PLCL1: variants seen among roughly 807,000 people sequenced by gnomAD.
The protein encoded by PLCL1 is phospholipase C like 1 (inactive).
PLCL1 carries 41 observed loss-of-function variants against 84.4 expected under a neutral mutation model. The observed-to-expected ratio is 0.49, with a 90% CI of 0.38 to 0.63. PLCL1 has a LOEUF of 0.63. Ranked by LOEUF, PLCL1 falls within the 30% of genes least tolerant of loss-of-function variation. PLCL1 has a pLI of 0.00. For synonymous variants in PLCL1, 490 were observed against 488.3 expected (o/e 1.00, Z -0.05); for missense variants, 1,206 against 1,367.8 (o/e 0.88, Z 1.87).
chr2:198,072,051 G>T (rs995551376), intron 1 of PLCL1, among the ~76,000 whole-genome samples: 13 of 151,796 alleles, frequency 8.6e-5, no homozygotes, highest in Middle Eastern at 3.2e-3. Context: ...ATTACAATTT[G>T]ATTGTATTTG....
At chr2:197,952,040 T>C (rs943406508) in intron 1 of PLCL1, among the ~76,000 whole-genome samples, 5 of 152,186 alleles carry the variant, frequency 3.3e-5, no homozygotes, top group Non-Finnish European at 5.9e-5. Flanking sequence ...TAGGATCCTG[T>C]CACTGTGACC....
intron 1 of PLCL1, among the ~76,000 whole-genome samples, chr2:197,953,980 G>A (rs547280576): frequency 1.3e-5 from 2 of 151,998 alleles, no homozygotes; most frequent in East Asian, 3.9e-4. Flanking sequence ...TCTCCATGAT[G>A]GGACAGAACT....
chr2:197,902,145 T>C (rs1220668045), intron 1 of PLCL1, among the ~76,000 whole-genome samples: 3 of 152,154 alleles, frequency 2.0e-5, no homozygotes, highest in African/African-American at 7.2e-5. Context: ...CCAGAGACTG[T>C]TGGGGCACTG....
At chr2:198,020,471 G>T (rs532507330) in intron 1 of PLCL1, among the ~76,000 whole-genome samples, 1 of 151,982 alleles carries the variant, frequency 6.6e-6, no homozygotes, top group Non-Finnish European at 1.5e-5. Context: ...AGACCTATTG[G>T]TGTGCTGTAT....
chr2:197,903,086 A>G (rs1688299258), intron 1 of PLCL1, among the ~76,000 whole-genome samples: 1 of 152,224 alleles, frequency 6.6e-6, no homozygotes, highest in African/African-American at 2.4e-5. Flanking sequence ...GTGTTTTGAT[A>G]CTACCATTTT....
intron 1 of PLCL1, among the ~76,000 whole-genome samples, chr2:197,908,864 A>C (rs1310975599): frequency 6.6e-6 from 1 of 152,196 alleles, no homozygotes; most frequent in Non-Finnish European, 1.5e-5. Flanking sequence ...AATACTTTAT[A>C]TTTTGTTGAA....
Position 198,084,720 on chromosome 2 carries a change from C to G in PLCL1, c.1203C>G (p.Thr401=). The G allele has an allele frequency of 6.2e-7, 1 of 1,613,942 alleles. No homozygotes were observed. The highest frequency in any genetic ancestry group is 8.5e-7 in the Non-Finnish European group (1 of 1,179,932). ...AAAAGAAGGTTGCCCAAGATATGAC[C>G]CAGCCATTATCTCACTACTATATCA... ...PEQKKVAQDM[T]QPLSHYYINA... Residue 401 remains threonine (T), a synonymous_variant, in exon 2 of 6, where the codon ACC becomes ACG. Coordinates refer to ENST00000428675, the MANE Select transcript of PLCL1 (RefSeq NM_006226.4).
intron 1 of PLCL1, among the ~76,000 whole-genome samples, chr2:198,014,226 A>G (rs1402563215): frequency 6.6e-6 from 1 of 152,108 alleles, no homozygotes; most frequent in Non-Finnish European, 1.5e-5. Flanking sequence ...TAGGTAGAAA[A>G]GTTTGGGGTT....
intron 5 of PLCL1, among the ~76,000 whole-genome samples, chr2:198,138,913 T>C (rs575416236): frequency 8.5e-5 from 13 of 152,128 alleles, no homozygotes; most frequent in Non-Finnish European, 1.5e-4. Flanking sequence ...CCCAGAACTT[T>C]GGGAGGCCAA....
intron 1 of PLCL1, among the ~76,000 whole-genome samples, chr2:197,900,143 T>C (rs1046885942): frequency 6.6e-6 from 1 of 152,206 alleles, no homozygotes; most frequent in African/African-American, 2.4e-5. Context: ...TGTAAGCTCT[T>C]TGAGAGCAGT....
At chr2:198,036,825 C>CG (rs1691560674) in intron 1 of PLCL1, among the ~76,000 whole-genome samples, 1 of 135,590 alleles carries the variant, frequency 7.4e-6, no homozygotes, top group Non-Finnish European at 1.7e-5. Context: ...AAGTAAAAAA[C>CG]ATTTTTTTAC....
intron 1 of PLCL1, among the ~76,000 whole-genome samples, chr2:198,031,987 A>G (rs1173631624): frequency 1.3e-5 from 2 of 152,204 alleles, no homozygotes; most frequent in Non-Finnish European, 2.9e-5. Context: ...TTTGTTGGGC[A>G]TGTAGAATAA....
At chr2:197,834,149 T>G (rs1460982092) in intron 1 of PLCL1, among the ~76,000 whole-genome samples, 2 of 152,184 alleles carry the variant, frequency 1.3e-5, no homozygotes, top group Admixed American at 1.3e-4. Flanking sequence ...CCTTAAACCT[T>G]ATGCAAAATT....
chr2:197,866,571 T>A (rs180879030), intron 1 of PLCL1, among the ~76,000 whole-genome samples: 1 of 152,214 alleles, frequency 6.6e-6, no homozygotes, highest in Non-Finnish European at 1.5e-5. Context: ...GGACAGCAGT[T>A]CATTCTAGGG....
chr2:197,972,613 G>C (rs1053036212), intron 1 of PLCL1, among the ~76,000 whole-genome samples: 3 of 152,126 alleles, frequency 2.0e-5, no homozygotes, highest in African/African-American at 7.2e-5. Flanking sequence ...ATTCTGAATT[G>C]CTGGAGATCT....
chr2:197,817,872 G>T (rs1264198637), intron 1 of PLCL1, among the ~76,000 whole-genome samples: 4 of 151,962 alleles, frequency 2.6e-5, no homozygotes, highest in African/African-American at 7.2e-5. Context: ...TGTACATTTT[G>T]GAATTTATTT....
chr2:197,939,660 A>G (rs1689117954), intron 1 of PLCL1, among the ~76,000 whole-genome samples: 1 of 151,310 alleles, frequency 6.6e-6, no homozygotes, highest in African/African-American at 2.4e-5. Context: ...CTTTTTACAT[A>G]ACCCATCTCC....
intron 1 of PLCL1, among the ~76,000 whole-genome samples, chr2:198,070,829 A>G (rs1692446699): frequency 6.6e-6 from 1 of 151,980 alleles, no homozygotes; most frequent in African/African-American, 2.4e-5. Context: ...ATAATTCATG[A>G]GGTAATTATA....
rs77354346 is a variant in PLCL1 at position 198,081,105 on chromosome 2, A to G, written c.241-2653A>G. Among the ~76,000 whole-genome samples the G allele has an allele frequency of 3.1e-3, 466 of 152,360 alleles. 1 individual carries two copies. Among genetic ancestry groups the G allele is most frequent in the African/African-American group, 0.011 (441 of 41,584 alleles). On this transcript the variant is annotated intron_variant, in intron 1 of 5. Coordinates refer to ENST00000428675, the MANE Select transcript of PLCL1 (RefSeq NM_006226.4). ...GCGATAGACTGTGGAGAACGCTAGCATAATATCATACTTGGGGTATAGGAA... is the reference window on the plus strand; with the variant it reads ...GCGATAGACTGTGGAGAACGCTAGCGTAATATCATACTTGGGGTATAGGAA...
Sources: allele counts gnomAD v4.1 joint callset (sites outside exome capture counted in the v4.1 genomes callset), GRCh38; gene constraint gnomAD v4.1.1; transcripts MANE v1.5; gene names NCBI Gene and HGNC (gene_info 2026-07-23, HGNC 2026-07-21).